The following NHS variants were observed in gnomAD, a reference collection of about 807,000 sequenced individuals.
NHS encodes the protein actin remodeling regulator NHS.
Under a neutral mutation model 72.5 loss-of-function variants are expected in NHS, and 5 were observed. That is an observed-to-expected ratio of 0.07 (90% CI 0.04 to 0.14). The LOEUF (loss-of-function observed/expected upper bound fraction) is 0.14. Among genes scored for constraint, NHS ranks in the 10% least tolerant of loss-of-function variants. The probability of loss-of-function intolerance (pLI) is 1.00; values close to 1 mark genes in which losing one functional copy is unlikely to be tolerated. For synonymous variants in NHS, 464 were observed against 547.7 expected, an observed-to-expected ratio of 0.85 and a Z score of 2.13; for missense variants, 1,072 against 1,355.7, an observed-to-expected ratio of 0.79 and a Z score of 3.29.
chrX:17,555,510 C>T (rs1200738616), intron 1 of NHS, among the ~76,000 whole-genome samples: 1 of 111,205 alleles, frequency 9.0e-6, no homozygotes, highest in Non-Finnish European at 1.9e-5. Flanking sequence ...CTAGATGGGG[C>T]TGATGCTGCT....
intron 1 of NHS, among the ~76,000 whole-genome samples, chrX:17,381,995 C>T (rs1286524210): frequency 8.9e-6 from 1 of 112,375 alleles, no homozygotes; most frequent in Non-Finnish European, 1.9e-5. Context: ...TTTTGATTTG[C>T]ATTTCTCTAA....
intron 1 of NHS, among the ~76,000 whole-genome samples, chrX:17,463,372 GT>G (rs111906837): frequency 0.014 from 1,434 of 104,987 alleles, 26 homozygotes; most frequent in African/African-American, 0.043. Flanking sequence ...TAATGGTGGG[GT>G]TTTTTTTTTT....
intron 1 of NHS, among the ~76,000 whole-genome samples, chrX:17,522,542 G>A (rs775895129): frequency 2.3e-5 from 2 of 88,627 alleles, no homozygotes; most frequent in East Asian, 3.8e-4. Context: ...GCCCAGGGCC[G>A]TCTGTGGTCC....
intron 3 of NHS, among the ~76,000 whole-genome samples, chrX:17,696,329 G>A (rs2066230038): frequency 8.9e-6 from 1 of 112,340 alleles, no homozygotes. Context: ...AAGGTAGGGA[G>A]AGGAAAGGGT....
At chrX:17,666,439 G>A (rs1016414745) in intron 1 of NHS, among the ~76,000 whole-genome samples, 22 of 112,079 alleles carry the variant, frequency 2.0e-4, no homozygotes, top group Admixed American at 1.9e-4. Flanking sequence ...TGTACACAAC[G>A]TGGTGTTATG....
intron 1 of NHS, among the ~76,000 whole-genome samples, chrX:17,613,237 G>A (rs1270068355): frequency 4.5e-5 from 5 of 110,708 alleles, no homozygotes; most frequent in Non-Finnish European, 9.4e-5. Flanking sequence ...GCCGGATATG[G>A]TGGCAGGTAC....
chrX:17,408,857 A>G (rs2064542189), intron 1 of NHS, among the ~76,000 whole-genome samples: 1 of 111,625 alleles, frequency 9.0e-6, no homozygotes, highest in Admixed American at 9.5e-5. Context: ...CTGCCAATTC[A>G]GTTTCTGGTG....
chrX:17,613,602 T>C (rs2065721819), intron 1 of NHS, among the ~76,000 whole-genome samples: 1 of 111,528 alleles, frequency 9.0e-6, no homozygotes, highest in Non-Finnish European at 1.9e-5. Context: ...ATGGTAGCAC[T>C]GGAGGAAAAC....
chrX:17,518,396 C>G (rs1238872912), intron 1 of NHS, among the ~76,000 whole-genome samples: 1 of 111,048 alleles, frequency 9.0e-6, no homozygotes, highest in Non-Finnish European at 1.9e-5. Flanking sequence ...GTCACAAACT[C>G]CCATCTACAC....
At chrX:17,509,300 C>T (rs1250848143) in intron 1 of NHS, among the ~76,000 whole-genome samples, 1 of 110,488 alleles carries the variant, frequency 9.1e-6, no homozygotes, top group Admixed American at 9.6e-5. Context: ...GATCTTGGCC[C>T]ACTGCAACCT....
At chrX:17,445,583 A>T (rs2064774857) in intron 1 of NHS, among the ~76,000 whole-genome samples, 1 of 110,920 alleles carries the variant, frequency 9.0e-6, no homozygotes. Context: ...AGTAAAACTG[A>T]ATCTTGTGGC....
Position 17,692,377 on chromosome X carries a change from C to T in NHS, c.761C>T (p.Ala254Val), listed in dbSNP as rs1372273044. ...GATCGCCGAGAGCAAAGAGCAGCTG[C>T]CCCCCTTTCCATTGCAGCTCCTCCA... ...RSDRREQRAA[A>V]PLSIAAPPLP... is the part of the protein sequence containing the mutation. The change falls in exon 3 of 9, where the codon GCC (alanine) becomes GTC (valine). Residue 254 changes from alanine to valine, a missense_variant. By Grantham distance (64) the Ala-to-Val change is moderately conservative (BLOSUM62 0). Transcript: ENST00000676302. 6 of 1,210,898 alleles carry T rather than the reference C, an allele frequency of 5.0e-6. No homozygotes were observed. Among genetic ancestry groups the T allele is most frequent in the South Asian group, 3.5e-5 (2 of 56,827 alleles).
chrX:17,430,075 TTTCCTTCCTTCC>T (rs749084714), intron 1 of NHS, among the ~76,000 whole-genome samples: 113 of 96,182 alleles, frequency 1.2e-3, no homozygotes, highest in African/African-American at 1.8e-3. Flanking sequence ...TGCACATATT[TTTCCTTCCTTCC>T]TTCCTTCCTT....
intron 1 of NHS, among the ~76,000 whole-genome samples, chrX:17,427,863 C>A (rs930885465): frequency 8.9e-6 from 1 of 112,274 alleles, no homozygotes; most frequent in African/African-American, 3.2e-5. Flanking sequence ...AAGTTGAATT[C>A]ATCACAAAAG....
chrX:17,626,399 A>G (rs1272546212), intron 1 of NHS, among the ~76,000 whole-genome samples: 1 of 111,968 alleles, frequency 8.9e-6, no homozygotes, highest in Non-Finnish European at 1.9e-5. Flanking sequence ...GGCTTCCAGG[A>G]CTTTCTCATT....
chrX:17,430,309 T>C (rs1569252781), intron 1 of NHS, among the ~76,000 whole-genome samples: 36 of 87,621 alleles, frequency 4.1e-4, no homozygotes, highest in African/African-American at 1.6e-3. Context: ...CTTTCTTTCT[T>C]TCTTTCCTTT....
intron 1 of NHS, among the ~76,000 whole-genome samples, chrX:17,602,863 C>T (rs1045975223): frequency 4.9e-5 from 4 of 81,598 alleles, no homozygotes; most frequent in Non-Finnish European, 6.7e-5. Context: ...TTTTTAAAGA[C>T]GGGGTCTTGC....
chrX:17,527,413 A>G (rs143938938), intron 1 of NHS, among the ~76,000 whole-genome samples: 1,457 of 113,211 alleles, frequency 0.013, 26 homozygotes, highest in African/African-American at 0.044. Flanking sequence ...CCAGTGACTG[A>G]CGCCAAATGC....
At chrX:17,593,030 A>G (rs1246186694) in intron 1 of NHS, among the ~76,000 whole-genome samples, 3 of 112,493 alleles carry the variant, frequency 2.7e-5, no homozygotes, top group African/African-American at 9.7e-5. Flanking sequence ...AAGCTTGGCC[A>G]AGGACATTCA....
Sources: gnomAD v4.1 joint callset for allele counts (sites outside exome capture counted in the v4.1 genomes callset) on GRCh38, gnomAD v4.1.1 for gene constraint, MANE v1.5 for transcripts, NCBI Gene and HGNC (gene_info 2026-07-23, HGNC 2026-07-21) for gene names.